GAB2: variants seen among roughly 807,000 people sequenced by gnomAD.
GAB2 encodes GRB2 associated binding protein 2.
A neutral mutation model predicts 65.5 loss-of-function variants in GAB2; 26 were observed. That is an observed-to-expected ratio of 0.40 (90% CI 0.29 to 0.55). GAB2 has a LOEUF of 0.55. Among genes scored for constraint, GAB2 ranks in the 20% least tolerant of loss-of-function variants. The probability of loss-of-function intolerance (pLI) is 0.53; values close to 1 mark genes in which losing one functional copy is unlikely to be tolerated. For synonymous variants in GAB2, 321 were observed against 329.6 expected (o/e 0.97, Z 0.28); for missense variants, 884 against 875.8 (o/e 1.01, Z -0.12).
chr11:78,339,123 GC>G (rs1413026294), intron 1 of GAB2, among the ~76,000 whole-genome samples: 9 of 151,858 alleles, frequency 5.9e-5, no homozygotes, highest in African/African-American at 2.2e-4. Context: ...ATAGGGATTT[GC>G]CATGTTGGCC....
At chr11:78,404,124 GAAATC>G (rs1363003607) in intron 1 of GAB2, among the ~76,000 whole-genome samples, 1 of 152,126 alleles carries the variant, frequency 6.6e-6, no homozygotes, top group Non-Finnish European at 1.5e-5. Context: ...CAAAAGAAAG[GAAATC>G]AATGTATTGA....
chr11:78,415,769 A>C (rs1308808799), intron 1 of GAB2, among the ~76,000 whole-genome samples: 1 of 152,214 alleles, frequency 6.6e-6, no homozygotes, highest in African/African-American at 2.4e-5. Context: ...TTTTGAACTA[A>C]AGTTGTTTGG....
chr11:78,338,950 T>C (rs1052455561), intron 1 of GAB2, among the ~76,000 whole-genome samples: 4 of 152,200 alleles, frequency 2.6e-5, no homozygotes, highest in Non-Finnish European at 5.9e-5. Flanking sequence ...TGAGACAGAA[T>C]CTCACTCCGT....
At chr11:78,345,476 T>C (rs574127023) in intron 1 of GAB2, among the ~76,000 whole-genome samples, 6 of 152,358 alleles carry the variant, frequency 3.9e-5, no homozygotes, top group African/African-American at 1.4e-4. Context: ...TAGTTGGTAC[T>C]AACTCTGATC....
chr11:78,345,259 A>C (rs1176876091), intron 1 of GAB2, among the ~76,000 whole-genome samples: 1 of 152,214 alleles, frequency 6.6e-6, no homozygotes, highest in Admixed American at 6.5e-5. Flanking sequence ...AGCCTGAGCA[A>C]TGGGAATGAA....
chr11:78,314,452 C>G (rs999055395), intron 1 of GAB2, among the ~76,000 whole-genome samples: 7 of 152,202 alleles, frequency 4.6e-5, no homozygotes, highest in African/African-American at 1.7e-4. Flanking sequence ...GGTTAAGCAT[C>G]TTGCCTGAAG....
intron 1 of GAB2, among the ~76,000 whole-genome samples, chr11:78,366,442 C>T (rs1028500190): frequency 4.6e-5 from 7 of 151,838 alleles, no homozygotes; most frequent in Non-Finnish European, 1.0e-4. Flanking sequence ...AAAAATTAGC[C>T]AGGTACAGTG....
At chr11:78,233,467 A>G (rs900516547) in intron 3 of GAB2, among the ~76,000 whole-genome samples, 2 of 152,028 alleles carry the variant, frequency 1.3e-5, no homozygotes, top group Non-Finnish European at 2.9e-5. Context: ...TTTTTTGTTG[A>G]AGAATCTATT....
intron 2 of GAB2, 198 bp downstream of exon 2, chr11:78,280,403 T>G (rs1441828785): frequency 1.7e-6 from 1 of 596,030 alleles, no homozygotes; most frequent in Non-Finnish European, 3.0e-6. Context: ...CCCCAACACT[T>G]TTTTTTGGTT....
chr11:78,327,402 A>C (rs1428826554), intron 1 of GAB2, among the ~76,000 whole-genome samples: 1 of 152,220 alleles, frequency 6.6e-6, no homozygotes, highest in East Asian at 1.9e-4. Context: ...ATATGAAAAT[A>C]ACAATATCTG....
chr11:78,362,234 A>G (rs11601161), intron 1 of GAB2, among the ~76,000 whole-genome samples: 24,028 of 152,040 alleles, frequency 0.16, 2,541 homozygotes, highest in East Asian at 0.41. Flanking sequence ...AAAGATAAAT[A>G]CACCAGGTTA....
rs749208925 is a variant in GAB2 at position 78,296,832 on chromosome 11, G to T, written c.76-15931C>A. Among the ~76,000 whole-genome samples the T allele has an allele frequency of 3.4e-4, 51 of 152,188 alleles. 1 individual carries two copies. Among genetic ancestry groups the T allele is most frequent in the Non-Finnish European group, 4.4e-5 (3 of 68,038 alleles). Reference sequence around the variant, plus strand: ...ATGAAATTTACAGTCCACAGTGCTGGAGGCTGGAAAGTCCAGGATCAAGGC... The same window carrying T: ...ATGAAATTTACAGTCCACAGTGCTGTAGGCTGGAAAGTCCAGGATCAAGGC... On this transcript the variant is annotated intron_variant, in intron 1 of 9. Transcript: ENST00000361507.
At chr11:78,373,433 T>C (rs998348201) in intron 1 of GAB2, among the ~76,000 whole-genome samples, 9 of 152,058 alleles carry the variant, frequency 5.9e-5, no homozygotes, top group African/African-American at 2.2e-4. Context: ...GATGGGAGTT[T>C]CTCCTTGCTG....
intron 1 of GAB2, among the ~76,000 whole-genome samples, chr11:78,323,563 A>T (rs1230072505): frequency 2.0e-5 from 3 of 151,800 alleles, no homozygotes; most frequent in Non-Finnish European, 4.4e-5. Flanking sequence ...TAATGTTCTC[A>T]CTTATATGTG....
chr11:78,411,108 G>A (rs1010562621), intron 1 of GAB2, among the ~76,000 whole-genome samples: 1 of 150,220 alleles, frequency 6.7e-6, no homozygotes, highest in Non-Finnish European at 1.5e-5. Context: ...AGCCATGATT[G>A]TGCCACTGTC....
chr11:78,248,381 A>C (rs1162594170), intron 3 of GAB2, among the ~76,000 whole-genome samples: 1 of 152,200 alleles, frequency 6.6e-6, no homozygotes, highest in Non-Finnish European at 1.5e-5. Flanking sequence ...TGAGCTGTAG[A>C]CAATCTGTGC....
chr11:78,220,407 G>A lies in GAB2; in HGVS notation c.1799C>T (p.Thr600Met), dbSNP rs747136760. ...GCTCTTCTTAGGGGCAGGACTGTTCGTGCCACTGGGAACGGGAGATGCAGA... is the reference window on the plus strand; with the variant it reads ...GCTCTTCTTAGGGGCAGGACTGTTCATGCCACTGGGAACGGGAGATGCAGA... ...PVSASPVPSG[T>M]NSPAPKKSTG... Residue 600 changes from threonine (T) to methionine (M), a missense_variant, in exon 9 of 10, where the codon ACG becomes ATG. Physicochemically the swap from Thr to Met is moderately conservative, Grantham distance 81. Coordinates refer to ENST00000361507, the MANE Select transcript of GAB2 (RefSeq NM_080491.3). 3.0e-5 allele frequency: 48 copies of A among 1,595,742 alleles called. No homozygotes were observed. Among genetic ancestry groups the A allele is most frequent in the Admixed American group, 5.1e-5 (3 of 59,070 alleles).
intron 1 of GAB2, among the ~76,000 whole-genome samples, chr11:78,358,494 A>T (rs1322081240): frequency 6.7e-6 from 1 of 149,258 alleles, no homozygotes; most frequent in African/African-American, 2.4e-5. Flanking sequence ...AAAAAAAAAA[A>T]AAAGAAGTAA....
intron 1 of GAB2, among the ~76,000 whole-genome samples, chr11:78,328,275 G>A (rs979887229): frequency 6.6e-6 from 1 of 152,172 alleles, no homozygotes; most frequent in Non-Finnish European, 1.5e-5. Flanking sequence ...TGGTAGCATT[G>A]CATTTGCAGT....
Sources: gnomAD v4.1 joint callset for allele counts (sites outside exome capture counted in the v4.1 genomes callset) on GRCh38, gnomAD v4.1.1 for gene constraint, MANE v1.5 for transcripts, NCBI Gene and HGNC (gene_info 2026-07-23, HGNC 2026-07-21) for gene names.